SCN3A: variants seen among roughly 807,000 people sequenced by gnomAD.
SCN3A encodes sodium channel protein type 3 subunit alpha.
In SCN3A, 60 loss-of-function variants were observed where a neutral mutation model predicts 187.6. The observed-to-expected ratio is 0.32, with a 90% CI of 0.26 to 0.40. The LOEUF is 0.40. Among genes scored for constraint, SCN3A ranks in the 10% least tolerant of loss-of-function variants. The pLI is 1.00. For missense variants in SCN3A, 1,601 were observed against 2,428.2 expected, an observed-to-expected ratio of 0.66 and a Z score of 7.16; for synonymous variants, 788 against 829.2, an observed-to-expected ratio of 0.95 and a Z score of 0.85.
intron 17 of SCN3A, among the ~76,000 whole-genome samples, chr2:165,128,495 T>A (rs1687130666): frequency 6.6e-6 from 1 of 152,068 alleles, no homozygotes; most frequent in Non-Finnish European, 1.5e-5. Flanking sequence ...CATCTTACCA[T>A]TTTTTTTCCT....
chr2:165,098,205 A>G (rs1007361662), intron 22 of SCN3A, among the ~76,000 whole-genome samples: 13 of 152,214 alleles, frequency 8.5e-5, no homozygotes, highest in Admixed American at 8.5e-4. Context: ...AGGCTGACCT[A>G]TTTCATGAGA....
intron 1 of SCN3A, among the ~76,000 whole-genome samples, chr2:165,192,508 A>G (rs1457263770): frequency 1.3e-5 from 2 of 152,160 alleles, no homozygotes; most frequent in East Asian, 3.9e-4. Context: ...CCAAGGTCAC[A>G]TGACTAGTAA....
At chr2:165,161,501 A>T (rs1024291145) in intron 9 of SCN3A, among the ~76,000 whole-genome samples, 1 of 152,160 alleles carries the variant, frequency 6.6e-6, no homozygotes, top group Non-Finnish European at 1.5e-5. Flanking sequence ...CTCTATTTAT[A>T]TGACTAGTAT....
chr2:165,098,428 A>G (rs1287139719), intron 22 of SCN3A, among the ~76,000 whole-genome samples: 1 of 152,212 alleles, frequency 6.6e-6, no homozygotes, highest in Non-Finnish European at 1.5e-5. Flanking sequence ...TGACATCAAA[A>G]CCAGAAATCC....
At chr2:165,146,657 A>C in intron 12 of SCN3A, 82 bp downstream of exon 12, 3 of 1,500,142 alleles carry the variant, frequency 2.0e-6, no homozygotes, top group Non-Finnish European at 2.8e-6. Flanking sequence ...CAGATAGTAC[A>C]AAAGTGTACC....
At chr2:165,199,311 A>G (rs1191859618) in intron 1 of SCN3A, among the ~76,000 whole-genome samples, 3 of 151,978 alleles carry the variant, frequency 2.0e-5, no homozygotes, top group Non-Finnish European at 2.9e-5. Flanking sequence ...CCCTATATGC[A>G]GTCTCCAAAA....
At chr2:165,127,128 G>A (rs774160160) in intron 18 of SCN3A, among the ~76,000 whole-genome samples, 3 of 152,110 alleles carry the variant, frequency 2.0e-5, no homozygotes, top group Non-Finnish European at 2.9e-5. Flanking sequence ...ATGTGATCGT[G>A]GCTCACTGCA....
Position 165,127,711 on chromosome 2 carries a change from T to C in SCN3A, c.3313A>G (p.Ile1105Val). Reference sequence around the variant, plus strand: ...TCAAAGTCAGACTCTCCAACAGCAATTGGCACTGTGACGGTGAGGCTGGGG... The same window carrying C: ...TCAAAGTCAGACTCTCCAACAGCAACTGGCACTGTGACGGTGAGGCTGGGG... ...NNPSLTVTVP[I>V]AVGESDFENL... The change falls in exon 18 of 28, where the codon ATT becomes GTT. Residue 1105 changes from isoleucine (I) to valine (V), a missense_variant. Physicochemically the swap from Ile to Val is conservative, Grantham distance 29. Around this residue, in one of 11 missense-constraint regions of SCN3A, gnomAD observed 267 missense variants for 313.2 expected, o/e 0.85. Transcript: ENST00000283254. 1 of 1,614,190 alleles carries C rather than the reference T, an allele frequency of 6.2e-7. No homozygotes were observed. The highest frequency in any genetic ancestry group is 8.5e-7 in the Non-Finnish European group (1 of 1,180,028).
intron 9 of SCN3A, among the ~76,000 whole-genome samples, chr2:165,160,656 G>A (rs1037022776): frequency 6.6e-6 from 1 of 150,694 alleles, no homozygotes; most frequent in South Asian, 2.1e-4. Context: ...AAAATTTTTT[G>A]GGGGGACAGG....
At chr2:165,125,925 AT>A (rs1362003301) in intron 18 of SCN3A, among the ~76,000 whole-genome samples, 1 of 152,228 alleles carries the variant, frequency 6.6e-6, no homozygotes, top group East Asian at 1.9e-4. Flanking sequence ...CAGAGAAAAA[AT>A]ATCACTACTT....
chr2:165,111,486 CA>C, intron 21 of SCN3A, among the ~76,000 whole-genome samples: 1 of 358 alleles, frequency 2.8e-3, no homozygotes, highest in South Asian at 0.038. Flanking sequence ...CAGTCTGATA[CA>C]CACACACACA....
Position 165,162,803 on chromosome 2 carries a change from C to G in SCN3A, c.720G>C (p.Leu240=). The G allele has an allele frequency of 6.2e-7, 1 of 1,614,104 alleles. No individual in the cohort carries two copies. The highest frequency in any genetic ancestry group is 8.5e-7 in the Non-Finnish European group (1 of 1,179,996). Residue 240 remains leucine, a synonymous_variant, in exon 8 of 28, where the codon CTG becomes CTC. Transcript: ENST00000283254. ...IPGLKTIVGA[L]IQSVKKLSDV... ...CAGAAAGCTTCTTTACCGACTGGAT[C>G]AGGGCCCCCACAATGGTCTTTAAAC...
intron 1 of SCN3A, among the ~76,000 whole-genome samples, chr2:165,201,389 A>C (rs1692307525): frequency 6.6e-6 from 1 of 152,150 alleles, no homozygotes; most frequent in Non-Finnish European, 1.5e-5. Context: ...GTGGTGGAAG[A>C]TATTATATCA....
In SCN3A at chr2:165,127,930, T is replaced by C. The variant is rs1200812988; in HGVS notation, c.3094A>G (p.Arg1032Gly). Residue 1032 changes from arginine (R) to glycine (G), a missense_variant, in exon 18 of 28, where the codon AGA (arginine) becomes GGA (glycine). By Grantham distance (125) the Arg-to-Gly change is moderately radical. This residue lies in a region of SCN3A where 267 missense variants were observed against 313.2 expected (regional missense o/e 0.85). Coordinates refer to ENST00000283254, the MANE Select transcript of SCN3A (RefSeq NM_006922.4). The stretch of plus-strand genomic sequence containing the variant: ...TGGATTTCTATAACTTTTGGCTTTC[T>C]AAAAAAGGCTTTTTGGAAACACTCC... Reference protein sequence around the residue: ...MRECFQKAFFRKPKVIEIHEG... With the variant: ...MRECFQKAFFGKPKVIEIHEG... The C allele has an allele frequency of 2.5e-6, 4 of 1,614,018 alleles. No individual in the cohort carries two copies. Among genetic ancestry groups the C allele is most frequent in the East Asian group, 2.2e-5 (1 of 44,874 alleles).
intron 23 of SCN3A, among the ~76,000 whole-genome samples, chr2:165,096,837 A>T (rs1685385058): frequency 6.6e-6 from 1 of 152,202 alleles, no homozygotes; most frequent in Non-Finnish European, 1.5e-5. Context: ...GCATTTTGAC[A>T]CATAGTAGAA....
chr2:165,177,807 T>C (rs1690560204), intron 2 of SCN3A, among the ~76,000 whole-genome samples: 1 of 152,220 alleles, frequency 6.6e-6, no homozygotes, highest in Non-Finnish European at 1.5e-5. Flanking sequence ...AAATATGAGT[T>C]ATTTTATTTT....
intron 15 of SCN3A, among the ~76,000 whole-genome samples, chr2:165,132,847 C>G (rs1687425235): frequency 1.3e-5 from 2 of 152,044 alleles, no homozygotes; most frequent in Admixed American, 1.3e-4. Context: ...AACAGGCAAC[C>G]TACAAAATGG....
Position 165,176,446 on chromosome 2 carries a change from T to C in SCN3A, c.-50-2A>G. The C allele has an allele frequency of 6.2e-7, 1 of 1,610,902 alleles. No individual in the cohort carries two copies. The highest frequency in any genetic ancestry group is 8.5e-7 in the Non-Finnish European group (1 of 1,178,184). On this transcript the variant is annotated splice_acceptor_variant, in intron 2 of 27. Transcript: ENST00000283254. LOFTEE classifies it low-confidence loss of function (5UTR_SPLICE). Reference sequence around the variant, plus strand: ...TGTAGCTTCTTGCATACGAATTACCTGCAATAAAAGAAAAATTGCACAAGA... The same window carrying C: ...TGTAGCTTCTTGCATACGAATTACCCGCAATAAAAGAAAAATTGCACAAGA...
chr2:165,191,563 A>G (rs545393691), intron 1 of SCN3A, among the ~76,000 whole-genome samples: 1 of 152,174 alleles, frequency 6.6e-6, no homozygotes, highest in South Asian at 2.1e-4. Flanking sequence ...TTATTCCAGT[A>G]TGCTCTTCCT....
Sources: allele counts gnomAD v4.1 joint callset (sites outside exome capture counted in the v4.1 genomes callset), GRCh38; gene constraint gnomAD v4.1.1; regional missense constraint gnomAD v4.1.1; transcripts MANE v1.5; gene names NCBI Gene and HGNC (gene_info 2026-07-23, HGNC 2026-07-21).